The following TENM4 variants were observed in gnomAD, a reference collection of about 807,000 sequenced individuals.
TENM4 encodes the protein teneurin-4.
A neutral mutation model predicts 243.3 loss-of-function variants in TENM4; 82 were observed. That is an observed-to-expected ratio of 0.34 (90% CI 0.28 to 0.40). The LOEUF (loss-of-function observed/expected upper bound fraction) is 0.40. Ranked by LOEUF, TENM4 falls within the 10% of genes least tolerant of loss-of-function variation. TENM4 has a pLI of 1.00. For synonymous variants in TENM4, 1,412 were observed against 1,456.3 expected, an observed-to-expected ratio of 0.97 and a Z score of 0.69; for missense variants, 3,138 against 3,673.3, an observed-to-expected ratio of 0.85 and a Z score of 3.77.
rs1457887139 is a variant in TENM4 at position 78,756,998 on chromosome 11, G to A, written c.2563C>T (p.Pro855Ser). The A allele has an allele frequency of 1.2e-6, 2 of 1,613,886 alleles. No homozygotes were observed. Among genetic ancestry groups the A allele is most frequent in the Non-Finnish European group, 1.7e-6 (2 of 1,179,862 alleles). ...CACAGGGGCTGGAGGCAGCAGTCAG[G>A]GTCCATGCAGTCCACCAGGCCATCT... is the stretch of plus-strand genomic sequence containing the variant. ...DGDGLVDCMD[P>S]DCCLQPLCHI... Residue 855 changes from proline (P) to serine (S), a missense_variant, in exon 19 of 34, where the codon CCT (proline) becomes TCT (serine). Transcript: ENST00000278550.
chr11:78,993,697 T>C (rs1289105328), intron 6 of TENM4, among the ~76,000 whole-genome samples: 1 of 152,200 alleles, frequency 6.6e-6, no homozygotes, highest in Non-Finnish European at 1.5e-5. Flanking sequence ...ATTTTTCAAT[T>C]CAAGAATTTC....
At chr11:78,905,851 G>A (rs958743894) in intron 6 of TENM4, among the ~76,000 whole-genome samples, 15 of 152,264 alleles carry the variant, frequency 9.9e-5, no homozygotes, top group African/African-American at 3.4e-4. Flanking sequence ...GAAAGAAGGT[G>A]AGAATGTGCA....
intron 23 of TENM4, among the ~76,000 whole-genome samples, chr11:78,723,514 GC>G (rs1297938012): frequency 1.3e-5 from 2 of 152,220 alleles, no homozygotes; most frequent in African/African-American, 4.8e-5. Flanking sequence ...GAAGCGACAG[GC>G]TTTTACCTGG....
At chr11:79,214,422 G>A (rs935151273) in intron 3 of TENM4, among the ~76,000 whole-genome samples, 1 of 152,166 alleles carries the variant, frequency 6.6e-6, no homozygotes, top group African/African-American at 2.4e-5. Context: ...TATTCCTTGT[G>A]ATATCCCCAG....
At chr11:78,745,227 C>CTTTTTTT (rs1783943) in intron 19 of TENM4, among the ~76,000 whole-genome samples, 10 of 128,052 alleles carry the variant, frequency 7.8e-5, no homozygotes, top group African/African-American at 2.4e-4. Flanking sequence ...TTTTCTTTTT[C>CTTTTTTT]TTTTTTTTTT....
At chr11:78,693,114 T>C (rs1443125147) in intron 28 of TENM4, among the ~76,000 whole-genome samples, 3 of 152,206 alleles carry the variant, frequency 2.0e-5, no homozygotes, top group Non-Finnish European at 4.4e-5. Context: ...AATAAATATA[T>C]AAGTAAATAA....
chr11:79,376,581 C>T (rs922913544), intron 1 of TENM4, among the ~76,000 whole-genome samples: 10 of 152,192 alleles, frequency 6.6e-5, no homozygotes, highest in African/African-American at 2.4e-4. Context: ...TATCTATGAG[C>T]TCCCGAGGGC....
At chr11:79,178,621 G>A (rs1363254729) in intron 3 of TENM4, among the ~76,000 whole-genome samples, 1 of 152,194 alleles carries the variant, frequency 6.6e-6, no homozygotes, top group Non-Finnish European at 1.5e-5. Context: ...AAGGACCACT[G>A]CATATAGCAA....
At chr11:78,706,464 G>A (rs488826) in intron 27 of TENM4, among the ~76,000 whole-genome samples, 42,038 of 152,046 alleles carry the variant, frequency 0.28, 6,012 homozygotes, top group Middle Eastern at 0.35. Flanking sequence ...ATGGGGCAGC[G>A]GAGTAGAGAG....
At chr11:78,719,496 C>T (rs183333450) in intron 25 of TENM4, among the ~76,000 whole-genome samples, 3 of 152,296 alleles carry the variant, frequency 2.0e-5, no homozygotes, top group African/African-American at 7.2e-5. Flanking sequence ...GATTCTGGGT[C>T]TGTCTGACTC....
intron 4 of TENM4, among the ~76,000 whole-genome samples, chr11:79,146,155 A>C (rs1265729000): frequency 1.3e-5 from 2 of 152,018 alleles, no homozygotes; most frequent in South Asian, 2.1e-4. Context: ...ATGACCTGTT[A>C]CTGGACTACA....
intron 4 of TENM4, among the ~76,000 whole-genome samples, chr11:79,083,465 G>T (rs1860728285): frequency 1.3e-5 from 2 of 152,216 alleles, no homozygotes; most frequent in Non-Finnish European, 2.9e-5. Context: ...CAAATTCTTA[G>T]TTAAAAGGGA....
At chr11:79,235,953 T>C (rs1292294719) in intron 2 of TENM4, among the ~76,000 whole-genome samples, 3 of 152,140 alleles carry the variant, frequency 2.0e-5, no homozygotes, top group Admixed American at 1.3e-4. Flanking sequence ...CTCTTCCTTC[T>C]GTGCATTCAT....
intron 1 of TENM4, among the ~76,000 whole-genome samples, chr11:79,414,184 G>A (rs78457986): frequency 1.1e-4 from 15 of 132,750 alleles, no homozygotes; most frequent in Admixed American, 1.5e-4. Flanking sequence ...ACACACACAC[G>A]CACACAAACA....
chr11:78,966,176 C>A (rs1857433569), intron 6 of TENM4, among the ~76,000 whole-genome samples: 1 of 137,612 alleles, frequency 7.3e-6, no homozygotes, highest in East Asian at 2.0e-4. Flanking sequence ...CGTTTCTACA[C>A]CTTTATAAAG....
chr11:79,089,600 T>C (rs538822610), intron 4 of TENM4, among the ~76,000 whole-genome samples: 1 of 152,256 alleles, frequency 6.6e-6, no homozygotes, highest in East Asian at 1.9e-4. Context: ...GCAGGTTTCA[T>C]ATCCTCATCC....
rs573249607 is a variant in TENM4, at chr11:79,318,558, G to A, written c.-320-21015C>T. Among the ~76,000 whole-genome samples the A allele has an allele frequency of 3.9e-5, 6 of 152,002 alleles. No individual in the cohort carries two copies. In the South Asian group the frequency reaches 6.2e-4, roughly 16 times the overall value. On this transcript the variant is annotated intron_variant, in intron 1 of 33. Transcript: ENST00000278550. Reference sequence around the variant, plus strand: ...GCTGGTTTCAAGCTATCAAGTTGACGTCATTGAAGGTGGAGTTGGAAAGAG... The same window carrying A: ...GCTGGTTTCAAGCTATCAAGTTGACATCATTGAAGGTGGAGTTGGAAAGAG...
chr11:78,979,543 T>C (rs1857743953), intron 6 of TENM4, among the ~76,000 whole-genome samples: 1 of 151,976 alleles, frequency 6.6e-6, no homozygotes, highest in Non-Finnish European at 1.5e-5. Context: ...TGCATGCACA[T>C]ATGTGTTGTA....
In TENM4 at chr11:78,658,541, G is replaced by A; in HGVS notation, c.7827C>T (p.Phe2609=). ...AATGGGTATCCACCCCATCAATGGT[G>A]AAGTGCAGGTTCTCTAGGTAGTGGG... The part of the protein sequence containing the change: ...NHAHYLENLH[F]TIDGVDTHYF... Residue 2609 remains phenylalanine (F), a synonymous_variant, in exon 34 of 34, where the codon TTC becomes TTT. Transcript: ENST00000278550. The A allele has an allele frequency of 1.2e-6, 2 of 1,614,030 alleles. No individual in the cohort carries two copies. Among genetic ancestry groups the A allele is most frequent in the Non-Finnish European group, 1.7e-6 (2 of 1,179,896 alleles).
Sources: allele counts gnomAD v4.1 joint callset (sites outside exome capture counted in the v4.1 genomes callset), GRCh38; gene constraint gnomAD v4.1.1; transcripts MANE v1.5; gene names NCBI Gene and HGNC (gene_info 2026-07-23, HGNC 2026-07-21).